RTN4: variants seen among roughly 807,000 people sequenced by gnomAD.
RTN4 encodes reticulon-4.
Under a neutral mutation model 90.4 loss-of-function variants are expected in RTN4, and 32 were observed. That is an observed-to-expected ratio of 0.35 (90% CI 0.27 to 0.48). The LOEUF is 0.48. Ranked by LOEUF, RTN4 falls within the 20% of genes least tolerant of loss-of-function variation. The probability of loss-of-function intolerance (pLI) is 0.99; values close to 1 mark genes in which losing one functional copy is unlikely to be tolerated. For synonymous variants in RTN4, 629 were observed against 552.5 expected (o/e 1.14, Z -1.94); for missense variants, 1,706 against 1,430.2 (o/e 1.19, Z -3.11).
At chr2:55,012,235 T>C (rs968343859) in intron 3 of RTN4, among the ~76,000 whole-genome samples, 1 of 152,194 alleles carries the variant, frequency 6.6e-6, no homozygotes, top group African/African-American at 2.4e-5. Flanking sequence ...GAAAAAAGTC[T>C]GAGAGGGGCA....
chr2:55,028,159 C>G lies in RTN4; in HGVS notation c.613+5G>C. 6.2e-7 allele frequency: 1 copy of G among 1,611,252 alleles called. No individual in the cohort carries two copies. Among genetic ancestry groups the G allele is most frequent in the East Asian group, 2.2e-5 (1 of 44,790 alleles). On this transcript the variant is annotated splice_donor_5th_base_variant and intron_variant, in intron 2 of 8. Coordinates refer to ENST00000337526, the MANE Select transcript of RTN4 (RefSeq NM_020532.5). Reference sequence around the variant, plus strand: ...GAGGATAAAAGGCTGGCAGAAAGAACTTGCCTGCAGAGGAGCGTATCACAG... The same window carrying G: ...GAGGATAAAAGGCTGGCAGAAAGAAGTTGCCTGCAGAGGAGCGTATCACAG...
At chr2:55,036,971 T>C (rs973942095) in intron 1 of RTN4, among the ~76,000 whole-genome samples, 4 of 152,186 alleles carry the variant, frequency 2.6e-5, no homozygotes, top group Non-Finnish European at 5.9e-5. Context: ...AACAGGACTG[T>C]ATAGTTGGAA....
intron 3 of RTN4, among the ~76,000 whole-genome samples, chr2:54,992,682 G>A (rs1679104317): frequency 6.6e-6 from 1 of 151,824 alleles, no homozygotes; most frequent in African/African-American, 2.4e-5. Flanking sequence ...TTAAAAAAAA[G>A]TGATACAGAT....
chr2:55,102,254 G>A (rs556532266), intron 1 of RTN4, among the ~76,000 whole-genome samples: 4 of 152,122 alleles, frequency 2.6e-5, no homozygotes, highest in Admixed American at 2.0e-4. Context: ...GTTTGTTTTT[G>A]TAAGGCTGAA....
chr2:55,022,203 G>A (rs1400412660), intron 3 of RTN4, among the ~76,000 whole-genome samples: 8 of 152,118 alleles, frequency 5.3e-5, no homozygotes, highest in African/African-American at 7.2e-5. Flanking sequence ...AAGCACTAGC[G>A]GGGAGGGGAG....
At position 54,974,708 on chromosome 2, in the gene RTN4, T is replaced by G. The variant is rs1440270523; in HGVS notation, c.3417A>C (p.Thr1139=). 1 of 1,613,734 alleles carries G rather than the reference T, an allele frequency of 6.2e-7. No individual in the cohort carries two copies. Among genetic ancestry groups the G allele is most frequent in the Admixed American group, 1.7e-5 (1 of 60,022 alleles). Residue 1139 remains threonine, a synonymous_variant, in exon 6 of 9, where the codon ACA becomes ACC. Coordinates refer to ENST00000337526, the MANE Select transcript of RTN4 (RefSeq NM_020532.5). The part of the protein sequence containing the change: ...TYVGALFNGL[T]LLILALISLF... ...TTGTAGACTTACCCAAAATCAGTAG[T>G]GTCAGACCATTAAACAAGGCACCAA...
the RTN4 span, among the ~76,000 whole-genome samples, chr2:55,121,867 G>A: frequency 6.6e-6 from 1 of 152,008 alleles, no homozygotes; most frequent in African/African-American, 2.4e-5. Context: ...GTTACTCACT[G>A]TACTTTTCTA....
At chr2:55,061,407 C>T (rs961440550) in intron 2 of RTN4, among the ~76,000 whole-genome samples, 4 of 152,096 alleles carry the variant, frequency 2.6e-5, no homozygotes, top group Non-Finnish European at 5.9e-5. Flanking sequence ...GTAATAATTC[C>T]TTAATAGCAT....
chr2:55,097,595 C>G (rs943931835), intron 1 of RTN4, among the ~76,000 whole-genome samples: 1 of 152,030 alleles, frequency 6.6e-6, no homozygotes, highest in African/African-American at 2.4e-5. Flanking sequence ...CAGGAGGCCT[C>G]GAAGAGGCAG....
At chr2:55,137,037 G>T in the RTN4 span, among the ~76,000 whole-genome samples, 1 of 152,218 alleles carries the variant, frequency 6.6e-6, no homozygotes, top group Non-Finnish European at 1.5e-5. Flanking sequence ...AATTTAACAG[G>T]AGAAGCCAGG....
At chr2:55,076,881 A>G (rs1668612047) in intron 2 of RTN4, among the ~76,000 whole-genome samples, 2 of 152,118 alleles carry the variant, frequency 1.3e-5, no homozygotes, top group Admixed American at 1.3e-4. Context: ...CTCTCTTGCA[A>G]CCTTGTGGAA....
intron 3 of RTN4, among the ~76,000 whole-genome samples, chr2:54,989,676 A>G (rs1678852319): frequency 6.6e-6 from 1 of 152,352 alleles, no homozygotes; most frequent in South Asian, 2.1e-4. Flanking sequence ...TAGGAAAGAT[A>G]AGACATATAA....
chr2:55,107,356 A>C (rs1419042819), intron 1 of RTN4, among the ~76,000 whole-genome samples: 1 of 151,454 alleles, frequency 6.6e-6, no homozygotes, highest in East Asian at 1.9e-4. Context: ...ATAAGTTTTA[A>C]AAAATCTTGT....
In RTN4 at chr2:55,025,264, T is replaced by C; in HGVS notation, c.2835A>G (p.Thr945=). 2 of 1,613,894 alleles carry C rather than the reference T, an allele frequency of 1.2e-6. No individual in the cohort carries two copies. The highest frequency in any genetic ancestry group is 1.7e-5 in the Admixed American group (1 of 59,952). Residue 945 remains threonine (T), a synonymous_variant, in exon 3 of 9, where the codon ACA becomes ACG. Transcript: ENST00000337526. ...CTGGAGGCAATAAGAGCACCTTTGA[T>C]GTAGCAGACCCATTTTTAGAAAAGT... ...SDDFSKNGSA[T]SKVLLLPPDV... is the part of the protein sequence containing the mutation.
chr2:55,070,647 G>C (rs2105015842), intron 2 of RTN4, among the ~76,000 whole-genome samples: 1 of 152,062 alleles, frequency 6.6e-6, no homozygotes, highest in East Asian at 1.9e-4. Flanking sequence ...TGAGATTAGG[G>C]GTGGGGAGCA....
At chr2:55,045,289 C>T (rs905674543) in intron 1 of RTN4, among the ~76,000 whole-genome samples, 3 of 152,112 alleles carry the variant, frequency 2.0e-5, no homozygotes. Flanking sequence ...TTCATGGTTT[C>T]CAAGTCCTAT....
At chr2:54,974,326 C>G (rs1477770046) in intron 6 of RTN4, 22 of 247,606 alleles carry the variant, frequency 8.9e-5, no homozygotes, top group Non-Finnish European at 7.9e-5. Context: ...GTTGCCCAAC[C>G]TGGAGTGCAA....
chr2:55,021,004 A>G (rs1681388428), intron 3 of RTN4, among the ~76,000 whole-genome samples: 1 of 152,210 alleles, frequency 6.6e-6, no homozygotes, highest in South Asian at 2.1e-4. Context: ...TCGAAAAAAG[A>G]AAAGAAGAAC....
At chr2:55,037,891 G>A (rs367741287) in intron 1 of RTN4, among the ~76,000 whole-genome samples, 3 of 152,156 alleles carry the variant, frequency 2.0e-5, no homozygotes, top group Admixed American at 6.5e-5. Context: ...TTAATTTTAC[G>A]ACTTGCTATA....
Sources: allele counts gnomAD v4.1 joint callset (sites outside exome capture counted in the v4.1 genomes callset), GRCh38; gene constraint gnomAD v4.1.1; transcripts MANE v1.5; gene names NCBI Gene and HGNC (gene_info 2026-07-23, HGNC 2026-07-21).